OBSL1: variants seen among roughly 807,000 people sequenced by gnomAD.
OBSL1 encodes obscurin like cytoskeletal adaptor 1.
Under a neutral mutation model 172.0 loss-of-function variants are expected in OBSL1, and 160 were observed. The observed-to-expected ratio is 0.93, with a 90% CI of 0.82 to 1.06. The LOEUF (loss-of-function observed/expected upper bound fraction) is 1.06. Among genes scored for constraint, OBSL1 ranks in the 50% least tolerant of loss-of-function variants. The probability of loss-of-function intolerance (pLI) is 0.00; values close to 1 mark genes in which losing one functional copy is unlikely to be tolerated. For missense variants in OBSL1, 2,681 were observed against 2,715.4 expected (o/e 0.99, Z 0.28); for synonymous variants, 1,200 against 1,196.3 (o/e 1.00, Z -0.06).
chr2:219,562,920 T>G (rs1696596360), intron 7 of OBSL1: 2 of 559,236 alleles, frequency 3.6e-6, no homozygotes, highest in African/African-American at 1.9e-5. Context: ...CAGCCTCGGC[T>G]GTAGAAACGC....
chr2:219,559,259 T>C lies in OBSL1; in HGVS notation c.3192A>G (p.Gly1064=), dbSNP rs2106045754. The part of the protein sequence containing the change: ...EDGGEFVCDA[G]DDSAFFTVTV... Reference sequence around the variant, plus strand: ...TGACAGTGAAGAAGGCCGAGTCATCTCCAGCATCACATACAAACTCGCCCC... The same window carrying C: ...TGACAGTGAAGAAGGCCGAGTCATCCCCAGCATCACATACAAACTCGCCCC... The change falls in exon 9 of 21, where the codon GGA becomes GGG. Residue 1064 remains glycine (G), a synonymous_variant. Coordinates refer to ENST00000404537, the MANE Select transcript of OBSL1 (RefSeq NM_015311.3). 6.2e-7 allele frequency: 1 copy of C among 1,611,620 alleles called. No individual in the cohort carries two copies. The highest frequency in any genetic ancestry group is 1.3e-5 in the African/African-American group (1 of 74,960).
Position 219,553,618 on chromosome 2 carries a change from C to T in OBSL1, c.4945G>A (p.Glu1649Lys), listed in dbSNP as rs779628741. ...GCCAAAGCTTGGGAAAGCTCGCACT[C>T]GAACGTAGCTGTGTCGCCCTCGGTC... is the stretch of plus-strand genomic sequence containing the variant. ...EVTEGDTATF[E>K]CELSQALADV... The change falls in exon 16 of 21, where the codon GAG becomes AAG. Residue 1649 changes from glutamate to lysine, a missense_variant. By Grantham distance (56) the Glu-to-Lys change is moderately conservative. Around this residue, in one of 5 missense-constraint regions of OBSL1, gnomAD observed 1,765 missense variants for 1,748.3 expected, o/e 1.01. Coordinates refer to ENST00000404537, the MANE Select transcript of OBSL1 (RefSeq NM_015311.3). 4.3e-6 allele frequency: 7 copies of T among 1,613,918 alleles called. No individual in the cohort carries two copies. The highest frequency in any genetic ancestry group is 2.2e-5 in the East Asian group (1 of 44,862).
At chr2:219,552,375 G>T in intron 18 of OBSL1, 159 bp from the exon 19 acceptor site, 1 of 867,482 alleles carries the variant, frequency 1.2e-6, no homozygotes, top group Non-Finnish European at 1.8e-6. Flanking sequence ...AGAGGTCCGG[G>T]ACTAGGGGCT....
Position 219,568,194 on chromosome 2 carries a change from C to A in OBSL1, c.1143G>T (p.Leu381=), listed in dbSNP as rs1245853950. 1.9e-6 allele frequency: 3 copies of A among 1,612,450 alleles called. No individual in the cohort carries two copies. Among genetic ancestry groups the A allele is most frequent in the Middle Eastern group, 1.6e-4 (1 of 6,080 alleles). ...TAWFREDQRL[L]PCRKYEQIEE... is the part of the protein sequence containing the mutation. ...CGATCTGCTCGTACTTGCGGCAGGG[C>A]AGCAGCCGCTGGTCCTCACGGAACC... The change falls in exon 2 of 21, where the codon CTG becomes CTT. Residue 381 remains leucine (L), a synonymous_variant. Coordinates refer to ENST00000404537, the MANE Select transcript of OBSL1 (RefSeq NM_015311.3). The surrounding 1 kb of genome is among the most constrained non-coding windows in gnomAD (Gnocchi z 4.1).
At chr2:219,555,938 G>C in intron 14 of OBSL1, 82 bp downstream of exon 14, 3 of 1,538,070 alleles carry the variant, frequency 2.0e-6, no homozygotes, top group Non-Finnish European at 2.6e-6. Flanking sequence ...GCACTTTGGT[G>C]GGGGCCTGAG....
At chr2:219,551,471 AC>A in intron 20 of OBSL1, 57 bp downstream of exon 20, 1 of 1,512,912 alleles carries the variant, frequency 6.6e-7, no homozygotes. Flanking sequence ...GTGTGGCTTA[AC>A]CCATCAGCTC....
chr2:219,554,899 G>A (rs376337256), intron 14 of OBSL1, 159 bp from the exon 15 acceptor site: 42 of 726,250 alleles, frequency 5.8e-5, no homozygotes, highest in Middle Eastern at 4.0e-4. Flanking sequence ...AAAGGAGCAC[G>A]GTGGACAGAT....
At chr2:219,558,824 C>G (rs1013725887) in intron 9 of OBSL1, among the ~76,000 whole-genome samples, 3 of 152,240 alleles carry the variant, frequency 2.0e-5, no homozygotes, top group East Asian at 3.8e-4. Flanking sequence ...TCCCCTTTCC[C>G]TGCCTTGCCT....
chr2:219,552,792 T>A (rs1003078917), intron 17 of OBSL1, 76 bp downstream of exon 17: 62 of 1,519,880 alleles, frequency 4.1e-5, no homozygotes, highest in Admixed American at 2.2e-4. Context: ...CGCGCGGTCA[T>A]CAGGGTCCGG....
At chr2:219,547,701 T>G, downstream of OBSL1, 3 of 1,570,178 alleles carry the variant, frequency 1.9e-6, no homozygotes, top group South Asian at 1.2e-5. Flanking sequence ...CTCTTCCTGG[T>G]GGGGCTGCTG....
chr2:219,557,663 G>A, intron 11 of OBSL1, 45 bp from the exon 12 acceptor site: 1 of 1,508,834 alleles, frequency 6.6e-7, no homozygotes. Flanking sequence ...GAGGCTCAGG[G>A]CTTTGAGGAG....
At chr2:219,564,391 T>C (rs1328190930) in intron 6 of OBSL1, among the ~76,000 whole-genome samples, 2 of 152,248 alleles carry the variant, frequency 1.3e-5, no homozygotes, top group African/African-American at 4.8e-5. Flanking sequence ...CAAGCTATGG[T>C]GTGACGGAGG....
At chr2:219,550,072 A>AC, downstream of OBSL1, 2 of 598,178 alleles carry the variant, frequency 3.3e-6, no homozygotes, top group East Asian at 2.8e-5. Context: ...TCGGGGTGTG[A>AC]ACCCCATTGG....
At position 219,558,289 on chromosome 2, in the gene OBSL1, C is replaced by G; in HGVS notation, c.3397G>C (p.Gly1133Arg). 6.2e-7 allele frequency: 1 copy of G among 1,611,814 alleles called. No homozygotes were observed. The highest frequency in any genetic ancestry group is 1.1e-5 in the South Asian group (1 of 90,596). ...GGCAGGGTCAGGGTGCGGGTGGGCC[C>G]CTCGGCACCCAGCTGCAGGGCATCT... ...ASDALQLGAE[G>R]PTRTLTLPHA... The change falls in exon 10 of 21, where the codon GGG becomes CGG. Residue 1133 changes from glycine to arginine, a missense_variant. By Grantham distance (125) the Gly-to-Arg change is moderately radical. Around this residue, in one of 5 missense-constraint regions of OBSL1, gnomAD observed 1,765 missense variants for 1,748.3 expected, o/e 1.01. Transcript: ENST00000404537.
chr2:219,550,697 C>T (rs559742542), downstream of OBSL1: 29 of 1,179,790 alleles, frequency 2.5e-5, no homozygotes, highest in South Asian at 7.2e-5. Flanking sequence ...GCAAGGTCTG[C>T]CCCCCCACAT....
chr2:219,547,995 C>T (rs1695428884), downstream of OBSL1: 2 of 1,587,648 alleles, frequency 1.3e-6, no homozygotes, highest in Non-Finnish European at 8.5e-7. Flanking sequence ...CGAAGCTGGG[C>T]CCTGCTGGCA....
downstream of OBSL1, chr2:219,547,687 G>A (rs759095370): frequency 1.3e-5 from 20 of 1,562,898 alleles, no homozygotes; most frequent in East Asian, 2.3e-5. Flanking sequence ...TGCGCAGCGT[G>A]GGCCTCTTCC....
In OBSL1 at chr2:219,570,527, C is replaced by A; in HGVS notation, c.706G>T (p.Asp236Tyr). ...VHQPPESPPA[D>Y]PDEAPAPVVE... ...ACCGGCGCGGGGGCCTCGTCGGGGTCCGCGGGCGGGCTCTCGGGGGGCTGG... is the reference window on the plus strand; with the variant it reads ...ACCGGCGCGGGGGCCTCGTCGGGGTACGCGGGCGGGCTCTCGGGGGGCTGG... The change falls in exon 1 of 21, where the codon GAC becomes TAC. Residue 236 changes from aspartate (D) to tyrosine (Y), a missense_variant. By Grantham distance (160) the Asp-to-Tyr change is radical. Transcript: ENST00000404537. The A allele has an allele frequency of 6.2e-7, 1 of 1,609,488 alleles. No individual in the cohort carries two copies. Among genetic ancestry groups the A allele is most frequent in the Non-Finnish European group, 8.5e-7 (1 of 1,178,418 alleles).
At chr2:219,548,191 TAG>T, downstream of OBSL1, 1 of 1,039,064 alleles carries the variant, frequency 9.6e-7, no homozygotes, top group Non-Finnish European at 1.4e-6. Context: ...TCGATGGCGG[TAG>T]AGAGCTGACT....
Sources: gnomAD v4.1 joint callset for allele counts (sites outside exome capture counted in the v4.1 genomes callset) on GRCh38, gnomAD v4.1.1 for gene constraint, gnomAD v4.1.1 regional missense constraint, Gnocchi (gnomAD v3.1) non-coding constraint, MANE v1.5 for transcripts, NCBI Gene and HGNC (gene_info 2026-07-23, HGNC 2026-07-21) for gene names.